The following CAPZB variants were observed in gnomAD, a reference collection of about 807,000 sequenced individuals.
CAPZB encodes capping actin protein of muscle Z-line subunit beta, also known as F-actin-capping protein subunit beta.
CAPZB carries 2 observed loss-of-function variants against 38.1 expected under a neutral mutation model. The observed-to-expected ratio is 0.05, with a 90% CI of 0.02 to 0.17. CAPZB has a LOEUF of 0.17. CAPZB is among the 10% of genes least tolerant of loss of function. The pLI is 1.00. For synonymous variants in CAPZB, 107 were observed against 127.4 expected, an observed-to-expected ratio of 0.84 and a Z score of 1.08; for missense variants, 161 against 334.2, an observed-to-expected ratio of 0.48 and a Z score of 4.04.
chr1:19,378,232 T>G (rs971979256), intron 4 of CAPZB, among the ~76,000 whole-genome samples: 3 of 152,234 alleles, frequency 2.0e-5, no homozygotes, highest in African/African-American at 7.2e-5. Context: ...ACTGTACCAG[T>G]GGCACCTGCT....
intron 1 of CAPZB, among the ~76,000 whole-genome samples, chr1:19,435,444 TACTG>T (rs1442711277): frequency 6.6e-6 from 1 of 152,196 alleles, no homozygotes; most frequent in East Asian, 1.9e-4. Context: ...TGGACAGTAT[TACTG>T]ACTCTCACCA....
chr1:19,355,760 G>A (rs1022451042), intron 6 of CAPZB, among the ~76,000 whole-genome samples: 1 of 152,216 alleles, frequency 6.6e-6, no homozygotes, highest in African/African-American at 2.4e-5. Flanking sequence ...AAACCCAGTT[G>A]TGCTTGGTCT....
chr1:19,413,603 GGATTATAAGTGT>G (rs35858960), intron 2 of CAPZB, among the ~76,000 whole-genome samples: 34,520 of 152,012 alleles, frequency 0.23, 4,249 homozygotes, highest in East Asian at 0.45. Context: ...CAAAGTGCTG[GGATTATAAGTGT>G]GAGCCACCAG....
Position 19,381,958 on chromosome 1 carries a change from A to G in CAPZB, c.216-3305T>C, listed in dbSNP as rs542266322. Among the ~76,000 whole-genome samples the G allele has an allele frequency of 8.5e-5, 13 of 152,240 alleles. 1 individual carries two copies. In the East Asian group the frequency reaches 2.3e-3, roughly 27 times the overall value. On this transcript the variant is annotated intron_variant, in intron 3 of 8. Coordinates refer to ENST00000264202, the MANE Select transcript of CAPZB (RefSeq NM_004930.5). Reference sequence around the variant, plus strand: ...GTTCTTCTGCTGGCCGGGGGAGTGGATAAGAATCTGAGGGTGTGGAGCTGA... The same window carrying G: ...GTTCTTCTGCTGGCCGGGGGAGTGGGTAAGAATCTGAGGGTGTGGAGCTGA...
chr1:19,480,297 A>T (rs1379976162), intron 1 of CAPZB, among the ~76,000 whole-genome samples: 1 of 152,196 alleles, frequency 6.6e-6, no homozygotes. Context: ...TGGAGTAAGT[A>T]CATTACAAAT....
intron 1 of CAPZB, among the ~76,000 whole-genome samples, chr1:19,459,915 C>T (rs2094545232): frequency 6.6e-6 from 1 of 152,180 alleles, no homozygotes; most frequent in Admixed American, 6.5e-5. Context: ...TTAGTGATCA[C>T]ACAGTTGCAG....
At position 19,339,256 on chromosome 1, in the gene CAPZB, A is replaced by T. The variant is rs188537856; in HGVS notation, c.*274T>A. The stretch of plus-strand genomic sequence containing the variant: ...TATGCCTATAAATGGGGGGACAGGG[A>T]GGAAGACGGGGGGCCCGGGTGAACA... On this transcript the variant is annotated 3_prime_UTR_variant, in exon 9 of 9. Transcript: ENST00000264202. The T allele has an allele frequency of 6.4e-3, 2,951 of 459,118 alleles. 23 individuals are homozygous for T. Among genetic ancestry groups the T allele is most frequent in the Middle Eastern group, 0.011 (19 of 1,746 alleles). The allele number at this position is 459,118 out of a possible 1,614,324, so 28.4% of individuals were successfully genotyped here. A position where few individuals can be genotyped will look rare whatever the true frequency, so the allele number is the denominator to read the frequency against.
intron 4 of CAPZB, among the ~76,000 whole-genome samples, chr1:19,368,624 GGCA>G (rs1261128494): frequency 2.0e-5 from 3 of 151,606 alleles, no homozygotes; most frequent in Non-Finnish European, 4.4e-5. Flanking sequence ...GCCTCACTGA[GGCA>G]GCTGGGGCTG....
intron 1 of CAPZB, among the ~76,000 whole-genome samples, chr1:19,432,315 G>A (rs1004258959): frequency 3.3e-5 from 5 of 151,968 alleles, no homozygotes; most frequent in Non-Finnish European, 5.9e-5. Flanking sequence ...GGTGGTGTAT[G>A]CCTGTAGTCC....
At chr1:19,476,220 ATAGATAGG>A (rs1287035061) in intron 1 of CAPZB, among the ~76,000 whole-genome samples, 2 of 96,436 alleles carry the variant, frequency 2.1e-5, no homozygotes, top group African/African-American at 7.5e-5. Flanking sequence ...AGATAGATAG[ATAGATAGG>A]CAGGCAGGCA....
At chr1:19,442,009 C>CACAACAAA (rs2094478699) in intron 1 of CAPZB, among the ~76,000 whole-genome samples, 1 of 86,058 alleles carries the variant, frequency 1.2e-5, no homozygotes, top group Non-Finnish European at 2.1e-5. Flanking sequence ...ACTCTGTCTC[C>CACAACAAA]AAAAAAAAAA....
chr1:19,419,518 G>A (rs960662710), intron 2 of CAPZB, 143 bp downstream of exon 2: 2 of 603,292 alleles, frequency 3.3e-6, no homozygotes, highest in African/African-American at 3.7e-5. Context: ...TCTCTGCCTG[G>A]AGGAATCTCA....
intron 1 of CAPZB, among the ~76,000 whole-genome samples, chr1:19,470,816 T>C (rs541174555): frequency 6.6e-6 from 1 of 152,340 alleles, no homozygotes; most frequent in South Asian, 2.1e-4. Context: ...CCTAAATTCA[T>C]AGGATCCCAT....
chr1:19,453,751 G>C (rs190356468), intron 1 of CAPZB, among the ~76,000 whole-genome samples: 316 of 152,342 alleles, frequency 2.1e-3, no homozygotes, highest in African/African-American at 6.1e-3. Context: ...CAGAATAGCA[G>C]GGGCTTTGTC....
chr1:19,406,163 C>T (rs539286733), intron 2 of CAPZB, among the ~76,000 whole-genome samples: 31 of 152,332 alleles, frequency 2.0e-4, no homozygotes, highest in Admixed American at 1.5e-3. Context: ...AAGAAGTGTC[C>T]GGCCCAGTGA....
intron 2 of CAPZB, among the ~76,000 whole-genome samples, chr1:19,418,347 A>G (rs952686324): frequency 6.6e-6 from 1 of 151,970 alleles, no homozygotes; most frequent in Admixed American, 6.6e-5. Flanking sequence ...CACTTCAATG[A>G]TCTTCCTCAC....
intron 4 of CAPZB, among the ~76,000 whole-genome samples, chr1:19,360,524 G>A (rs947213990): frequency 2.6e-5 from 4 of 152,216 alleles, no homozygotes; most frequent in African/African-American, 9.6e-5. Flanking sequence ...ACACTGGGGA[G>A]ATGCAGGTCA....
chr1:19,361,298 G>C (rs1474573319), intron 4 of CAPZB, among the ~76,000 whole-genome samples: 6 of 152,218 alleles, frequency 3.9e-5, no homozygotes, highest in African/African-American at 1.4e-4. Flanking sequence ...CAGACGTGCT[G>C]AGACCTGGCC....
intron 2 of CAPZB, among the ~76,000 whole-genome samples, chr1:19,415,495 C>T (rs1043159948): frequency 6.6e-6 from 1 of 152,182 alleles, no homozygotes; most frequent in African/African-American, 2.4e-5. Flanking sequence ...AAAAGCATTT[C>T]GTAAGTTCAG....
Sources: gnomAD v4.1 joint callset for allele counts (sites outside exome capture counted in the v4.1 genomes callset) on GRCh38, gnomAD v4.1.1 for gene constraint, MANE v1.5 for transcripts, NCBI Gene and HGNC (gene_info 2026-07-23, HGNC 2026-07-21) for gene names.